Variants in MAPKAP1 observed in about 807,000 individuals in gnomAD.
MAPKAP1 encodes the protein target of rapamycin complex 2 subunit MAPKAP1.
A neutral mutation model predicts 65.7 loss-of-function variants in MAPKAP1; 20 were observed. That is an observed-to-expected ratio of 0.30 (90% confidence interval 0.21 to 0.44). MAPKAP1 has a LOEUF of 0.44. Ranked by LOEUF, MAPKAP1 falls within the 20% of genes least tolerant of loss-of-function variation. The pLI, the probability that MAPKAP1 is intolerant of heterozygous loss-of-function variation, is 1.00. For missense variants in MAPKAP1, 423 were observed against 648.0 expected, an observed-to-expected ratio of 0.65 and a Z score of 3.77; for synonymous variants, 222 against 244.3, an observed-to-expected ratio of 0.91 and a Z score of 0.85.
In MAPKAP1 at chr9:125,444,895, G is replaced by A. The variant is rs556324273; in HGVS notation, c.1346-297C>T. On this transcript the variant is annotated intron_variant, in intron 10 of 11. Coordinates refer to ENST00000265960, the MANE Select transcript of MAPKAP1 (RefSeq NM_001006617.3). Reference sequence around the variant, plus strand: ...GCTATATGATAATTACATGCAAAAGGTGGCGTTTTTAAGGGAGAAGGCTAA... The same window carrying A: ...GCTATATGATAATTACATGCAAAAGATGGCGTTTTTAAGGGAGAAGGCTAA... Among the ~76,000 whole-genome samples, 5 of 152,292 alleles carry A rather than the reference G, an allele frequency of 3.3e-5. No individual in the cohort carries two copies. In the South Asian group the frequency reaches 1.0e-3, roughly 32 times the overall value.
At chr9:125,700,432 C>T (rs1184548296) in intron 1 of MAPKAP1, among the ~76,000 whole-genome samples, 1 of 152,202 alleles carries the variant, frequency 6.6e-6, no homozygotes, top group Non-Finnish European at 1.5e-5. Context: ...GAATCTAACA[C>T]TGCTTATATT....
At chr9:125,596,082 C>A in intron 4 of MAPKAP1, 1 of 1,048,234 alleles carries the variant, frequency 9.5e-7, no homozygotes, top group Non-Finnish European at 1.5e-6. Flanking sequence ...CACGACTGAC[C>A]GAGGCAGTGG....
At chr9:125,606,485 C>T (rs940197821) in intron 4 of MAPKAP1, among the ~76,000 whole-genome samples, 2 of 152,136 alleles carry the variant, frequency 1.3e-5, no homozygotes, top group Admixed American at 6.5e-5. Context: ...ATCCCATTTA[C>T]CCTCAGTTTC....
At chr9:125,461,925 C>T (rs1390983054) in intron 10 of MAPKAP1, among the ~76,000 whole-genome samples, 3 of 152,176 alleles carry the variant, frequency 2.0e-5, no homozygotes, top group South Asian at 4.1e-4. Flanking sequence ...AGTGCACCAG[C>T]AGGGCTGTAG....
At chr9:125,594,991 T>C (rs62570231) in intron 4 of MAPKAP1, among the ~76,000 whole-genome samples, 3,568 of 152,314 alleles carry the variant, frequency 0.023, 53 homozygotes, top group Middle Eastern at 0.044. Context: ...TACTTACACA[T>C]ACTGATGGAA....
At chr9:125,628,632 G>A (rs568246719) in intron 4 of MAPKAP1, among the ~76,000 whole-genome samples, 1 of 152,104 alleles carries the variant, frequency 6.6e-6, no homozygotes, top group African/African-American at 2.4e-5. Context: ...GAAATCAAGG[G>A]AGAAAACTTC....
intron 4 of MAPKAP1, among the ~76,000 whole-genome samples, chr9:125,602,802 G>T (rs2131613870): frequency 6.6e-6 from 1 of 152,238 alleles, no homozygotes; most frequent in African/African-American, 2.4e-5. Flanking sequence ...CGTTAAGTAG[G>T]CTGTTCCAAA....
chr9:125,660,440 T>C (rs1414806842), intron 3 of MAPKAP1, among the ~76,000 whole-genome samples: 3 of 152,132 alleles, frequency 2.0e-5, no homozygotes, highest in African/African-American at 4.8e-5. Context: ...TCAAAAAAAG[T>C]AAATAAATAA....
intron 7 of MAPKAP1, among the ~76,000 whole-genome samples, chr9:125,542,141 C>T (rs1196200664): frequency 2.0e-5 from 3 of 152,274 alleles, no homozygotes; most frequent in East Asian, 3.9e-4. Flanking sequence ...CAGCTCTTAT[C>T]GTTCCCCTGG....
intron 4 of MAPKAP1, among the ~76,000 whole-genome samples, chr9:125,588,275 A>G (rs1462384471): frequency 6.6e-6 from 1 of 152,218 alleles, no homozygotes; most frequent in African/African-American, 2.4e-5. Context: ...CCATGAAAAC[A>G]TCATGCTAAG....
chr9:125,600,193 T>A (rs7856899), intron 4 of MAPKAP1, among the ~76,000 whole-genome samples: 1,683 of 133,412 alleles, frequency 0.013, 41 homozygotes, highest in African/African-American at 0.043. Context: ...AGACATTTCA[T>A]AAAACATGGG....
intron 3 of MAPKAP1, among the ~76,000 whole-genome samples, chr9:125,666,341 G>C (rs1834339573): frequency 6.6e-6 from 1 of 152,178 alleles, no homozygotes; most frequent in Non-Finnish European, 1.5e-5. Flanking sequence ...CCCTTATGCT[G>C]TGTCTTAAAG....
chr9:125,443,531 G>A (rs747800268), intron 11 of MAPKAP1, among the ~76,000 whole-genome samples: 1 of 152,066 alleles, frequency 6.6e-6, no homozygotes, highest in South Asian at 2.1e-4. Context: ...CCAGACCAGC[G>A]GCCAAAGCAG....
chr9:125,607,598 A>G (rs946236129), intron 4 of MAPKAP1, among the ~76,000 whole-genome samples: 2 of 152,256 alleles, frequency 1.3e-5, no homozygotes, highest in African/African-American at 2.4e-5. Flanking sequence ...GTTCTTACTC[A>G]TCACTTAAAA....
At chr9:125,593,024 T>C (rs917172224) in intron 4 of MAPKAP1, among the ~76,000 whole-genome samples, 1 of 142,252 alleles carries the variant, frequency 7.0e-6, no homozygotes, top group Non-Finnish European at 1.5e-5. Context: ...GGGCTGGGCA[T>C]GGTGGCTCAC....
intron 7 of MAPKAP1, among the ~76,000 whole-genome samples, chr9:125,517,019 G>A (rs763929694): frequency 3.3e-5 from 5 of 152,092 alleles, no homozygotes; most frequent in East Asian, 1.9e-4. Flanking sequence ...AACTCTATGC[G>A]GTAGGCCCTA....
chr9:125,696,776 A>G (rs1835399848), intron 1 of MAPKAP1, among the ~76,000 whole-genome samples: 1 of 152,164 alleles, frequency 6.6e-6, no homozygotes, highest in South Asian at 2.1e-4. Flanking sequence ...ACTTTCCCTC[A>G]ATGGAGCCCC....
At chr9:125,510,736 CT>C (rs1829272245) in intron 7 of MAPKAP1, among the ~76,000 whole-genome samples, 1 of 152,208 alleles carries the variant, frequency 6.6e-6, no homozygotes, top group African/African-American at 2.4e-5. Context: ...AACTCGATAT[CT>C]AAATCCAAAT....
At chr9:125,522,099 G>A (rs13301073) in intron 7 of MAPKAP1, among the ~76,000 whole-genome samples, 40,965 of 152,154 alleles carry the variant, frequency 0.27, 6,668 homozygotes, top group Non-Finnish European at 0.37. Flanking sequence ...TGATGCCAGT[G>A]GCCCTGGTGG....
Sources: allele counts gnomAD v4.1 joint callset (sites outside exome capture counted in the v4.1 genomes callset), GRCh38; gene constraint gnomAD v4.1.1; transcripts MANE v1.5; gene names NCBI Gene and HGNC (gene_info 2026-07-23, HGNC 2026-07-21).